The following VWC2L variants were observed in gnomAD, a reference collection of about 807,000 sequenced individuals.
VWC2L encodes von Willebrand factor C domain containing 2 like.
A neutral mutation model predicts 21.6 loss-of-function variants in VWC2L; 10 were observed. The observed-to-expected ratio is 0.46, with a 90% confidence interval of 0.29 to 0.78. VWC2L has a LOEUF of 0.78. Ranked by LOEUF, VWC2L falls within the 30% of genes least tolerant of loss-of-function variation. The pLI is 0.10. For missense variants in VWC2L, 209 were observed against 277.1 expected (o/e 0.75, Z 1.74); for synonymous variants, 96 against 94.3 (o/e 1.02, Z -0.10).
At chr2:214,556,327 G>C (rs1294719052) in intron 3 of VWC2L, among the ~76,000 whole-genome samples, 1 of 152,168 alleles carries the variant, frequency 6.6e-6, no homozygotes, top group African/African-American at 2.4e-5. Context: ...CAAACTGATT[G>C]TTTTTCTGGC....
At chr2:214,434,231 A>G (rs1702644355) in intron 2 of VWC2L, among the ~76,000 whole-genome samples, 2 of 152,124 alleles carry the variant, frequency 1.3e-5, no homozygotes, top group South Asian at 4.1e-4. Context: ...CTCAGTTTCC[A>G]ATGCTTTATT....
At chr2:214,414,785 A>G (rs1014986346) in intron 2 of VWC2L, 10 of 607,418 alleles carry the variant, frequency 1.6e-5, no homozygotes, top group Non-Finnish European at 2.2e-5. Context: ...AAGTTGCACA[A>G]TAACCTTTAT....
chr2:214,513,964 T>C (rs1367657723), intron 3 of VWC2L, among the ~76,000 whole-genome samples: 1 of 152,150 alleles, frequency 6.6e-6, no homozygotes, highest in Non-Finnish European at 1.5e-5. Flanking sequence ...CATCAGCTGC[T>C]AGAAGTGGTC....
chr2:214,528,177 A>G (rs1689373545), intron 3 of VWC2L, among the ~76,000 whole-genome samples: 1 of 152,218 alleles, frequency 6.6e-6, no homozygotes, highest in South Asian at 2.1e-4. Context: ...CCCTGGAAGT[A>G]TCAATAATTC....
chr2:214,465,922 A>G (rs143110359), intron 3 of VWC2L, among the ~76,000 whole-genome samples: 294 of 152,194 alleles, frequency 1.9e-3, no homozygotes, highest in African/African-American at 6.8e-3. Context: ...CTGAGTTCCA[A>G]TGCAAAGTTG....
At chr2:214,563,311 G>T (rs1057485801) in intron 3 of VWC2L, among the ~76,000 whole-genome samples, 19 of 152,004 alleles carry the variant, frequency 1.2e-4, no homozygotes, top group Admixed American at 2.0e-4. Flanking sequence ...ACTTTGGGAG[G>T]CTGAGGCAGG....
chr2:214,487,694 A>G (rs1188338658), intron 3 of VWC2L, among the ~76,000 whole-genome samples: 1 of 152,204 alleles, frequency 6.6e-6, no homozygotes, highest in East Asian at 1.9e-4. Flanking sequence ...GAGCAAGTGC[A>G]TTCAAGAAAG....
chr2:214,437,279 A>G (rs1246457034), intron 3 of VWC2L, among the ~76,000 whole-genome samples: 1 of 152,164 alleles, frequency 6.6e-6, no homozygotes, highest in East Asian at 1.9e-4. Flanking sequence ...CCTTTATTGT[A>G]GGTTTTTATT....
intron 3 of VWC2L, among the ~76,000 whole-genome samples, chr2:214,458,013 T>C (rs1703081954): frequency 6.6e-6 from 1 of 152,078 alleles, no homozygotes; most frequent in African/African-American, 2.4e-5. Context: ...TCCTCTTCCG[T>C]TTTTTTGAAT....
intron 3 of VWC2L, among the ~76,000 whole-genome samples, chr2:214,542,200 G>A (rs1034530307): frequency 2.6e-5 from 4 of 152,140 alleles, no homozygotes; most frequent in African/African-American, 7.2e-5. Flanking sequence ...GGGAAAACAA[G>A]CTATGCTCAC....
At chr2:214,431,778 A>G (rs1472224693) in intron 2 of VWC2L, among the ~76,000 whole-genome samples, 1 of 152,216 alleles carries the variant, frequency 6.6e-6, no homozygotes, top group East Asian at 1.9e-4. Flanking sequence ...TTATAAAATG[A>G]GACTAGCTTT....
intron 3 of VWC2L, among the ~76,000 whole-genome samples, chr2:214,440,336 T>C (rs1702746523): frequency 6.6e-6 from 1 of 152,032 alleles, no homozygotes; most frequent in Non-Finnish European, 1.5e-5. Flanking sequence ...TATTTCTCTT[T>C]CCTTTACACA....
intron 2 of VWC2L, among the ~76,000 whole-genome samples, chr2:214,415,719 G>C (rs545429797): frequency 9.2e-5 from 14 of 152,160 alleles, no homozygotes; most frequent in African/African-American, 3.4e-4. Flanking sequence ...CCAGGTTAGC[G>C]GTTCAAGCCA....
chr2:214,453,436 T>A (rs1382870682), intron 3 of VWC2L, among the ~76,000 whole-genome samples: 1 of 152,208 alleles, frequency 6.6e-6, no homozygotes, highest in East Asian at 1.9e-4. Context: ...ACCAAAGTTG[T>A]TTAGCTGTTC....
intron 3 of VWC2L, among the ~76,000 whole-genome samples, chr2:214,517,407 A>C (rs1241623139): frequency 6.6e-6 from 1 of 152,162 alleles, no homozygotes; most frequent in Admixed American, 6.5e-5. Context: ...AGTGGTTTCC[A>C]ATTTTTGGCT....
chr2:214,505,306 T>G (rs1198952274), intron 3 of VWC2L, among the ~76,000 whole-genome samples: 2 of 152,160 alleles, frequency 1.3e-5, no homozygotes, highest in South Asian at 4.1e-4. Flanking sequence ...TTCTACCTAA[T>G]AACCAAAACA....
intron 3 of VWC2L, among the ~76,000 whole-genome samples, chr2:214,515,214 G>A (rs1220762549): frequency 6.6e-6 from 1 of 152,122 alleles, no homozygotes; most frequent in Non-Finnish European, 1.5e-5. Flanking sequence ...CAGCCTCGTT[G>A]GGAATATCAT....
intron 3 of VWC2L, among the ~76,000 whole-genome samples, chr2:214,507,504 TG>T (rs1388303929): frequency 6.6e-6 from 1 of 152,218 alleles, no homozygotes; most frequent in South Asian, 2.1e-4. Context: ...CAGGGAAAGT[TG>T]CCAGAGGTAA....
chr2:214,527,094 G>T (rs1024761228), intron 3 of VWC2L, among the ~76,000 whole-genome samples: 5 of 152,072 alleles, frequency 3.3e-5, no homozygotes, highest in Admixed American at 1.3e-4. Context: ...TGTGTTCTTT[G>T]CAGCAACATG....
Sources: allele counts gnomAD v4.1 joint callset (sites outside exome capture counted in the v4.1 genomes callset), GRCh38; gene constraint gnomAD v4.1.1; transcripts MANE v1.5; gene names NCBI Gene and HGNC (gene_info 2026-07-23, HGNC 2026-07-21).